Variants in HTRA1 observed in about 807,000 individuals in gnomAD.
HTRA1 encodes serine protease HTRA1.
HTRA1 carries 26 observed loss-of-function variants against 49.7 expected under a neutral mutation model. The observed-to-expected ratio is 0.52, with a 90% confidence interval of 0.38 to 0.73. HTRA1 has a LOEUF of 0.73. HTRA1 is among the 30% of genes least tolerant of loss of function. The pLI, the probability that HTRA1 is intolerant of heterozygous loss-of-function variation, is 0.00. For missense variants in HTRA1, 561 were observed against 667.2 expected (o/e 0.84, Z 1.75); for synonymous variants, 291 against 286.9 (o/e 1.01, Z -0.14).
At chr10:122,476,134 C>T (rs983459443) in intron 1 of HTRA1, among the ~76,000 whole-genome samples, 4 of 152,198 alleles carry the variant, frequency 2.6e-5, no homozygotes, top group African/African-American at 9.7e-5. Flanking sequence ...TGATTTCTCT[C>T]CTGACCCTCA....
At position 122,510,110 on chromosome 10, in the gene HTRA1, A is replaced by G; in HGVS notation, c.1135A>G (p.Lys379Glu). 1 of 1,614,048 alleles carries G rather than the reference A, an allele frequency of 6.2e-7. No individual in the cohort carries two copies. The change falls in exon 7 of 9, where the codon AAG becomes GAG. Residue 379 changes from lysine (K) to glutamate (E), a missense_variant. Physicochemically the swap from Lys to Glu is moderately conservative, Grantham distance 56. Coordinates refer to ENST00000368984, the MANE Select transcript of HTRA1 (RefSeq NM_002775.5). ...TGTCTCACCAGGAAAAGCCATCACC[A>G]AGAAGAAGTATATTGGTATCCGAAT... ...DRQAKGKAIT[K>E]KKYIGIRMMS...
chr10:122,471,999 A>G (rs2097486317), intron 1 of HTRA1, among the ~76,000 whole-genome samples: 1 of 152,222 alleles, frequency 6.6e-6, no homozygotes, highest in African/African-American at 2.4e-5. Flanking sequence ...TCTCCCTTCA[A>G]GAGTTATAAG....
At chr10:122,468,632 A>G (rs2097484823) in intron 1 of HTRA1, among the ~76,000 whole-genome samples, 2 of 152,220 alleles carry the variant, frequency 1.3e-5, no homozygotes, top group Admixed American at 6.5e-5. Context: ...GGGCAGAGGT[A>G]TCCAAAGTCA....
intron 7 of HTRA1, among the ~76,000 whole-genome samples, chr10:122,510,894 T>C (rs1301324223): frequency 1.3e-5 from 2 of 152,216 alleles, no homozygotes; most frequent in African/African-American, 4.8e-5. Flanking sequence ...TTATGAATGG[T>C]GGTCCCTTTC....
At position 122,461,870 on chromosome 10, in the gene HTRA1, G is replaced by A. The variant is rs886138246; in HGVS notation, c.218G>A (p.Gly73Asp). 1.1e-5 allele frequency: 13 copies of A among 1,221,246 alleles called. No individual in the cohort carries two copies. Among genetic ancestry groups the A allele is most frequent in the Non-Finnish European group, 1.3e-5 (13 of 984,418 alleles). The allele number at this position is 1,221,246 out of a possible 1,614,324, so 75.7% of individuals were successfully genotyped here. The change falls in exon 1 of 9, where the codon GGC (glycine) becomes GAC (aspartate). Residue 73 changes from glycine to aspartate, a missense_variant. Physicochemically the swap from Gly to Asp is moderately conservative, Grantham distance 94. Transcript: ENST00000368984. ...TGCGAGGTGTGCGGCGCGCCCGAGG[G>A]CGCCGCGTGCGGCCTGCAGGAGGGC... ...GCCEVCGAPE[G>D]AACGLQEGPC... is the part of the protein sequence containing the mutation.
chr10:122,488,958 GAGA>G lies in HTRA1; in HGVS notation c.533_535del (p.Lys178del), dbSNP rs2133438358. ...ATATAACTTTATCGCGGACGTGGTGGAGAAGATCGCCCCTGCCGTGGTTCATAT... is the reference window on the plus strand; with the variant it reads ...ATATAACTTTATCGCGGACGTGGTGGAGATCGCCCCTGCCGTGGTTCATAT... On this transcript the variant is annotated inframe_deletion, in exon 2 of 9. Coordinates refer to ENST00000368984, the MANE Select transcript of HTRA1 (RefSeq NM_002775.5). 6.2e-7 allele frequency: 1 copy of G among 1,614,182 alleles called. No homozygotes were observed. The highest frequency in any genetic ancestry group is 8.5e-7 in the Non-Finnish European group (1 of 1,180,030).
intron 7 of HTRA1, among the ~76,000 whole-genome samples, chr10:122,511,517 G>A (rs1045321779): frequency 1.3e-5 from 2 of 152,128 alleles, no homozygotes; most frequent in Non-Finnish European, 2.9e-5. Flanking sequence ...CAGATCACTT[G>A]AGGCCAGGAG....
chr10:122,500,552 G>T (rs541838606), intron 3 of HTRA1, among the ~76,000 whole-genome samples: 1 of 152,328 alleles, frequency 6.6e-6, no homozygotes, highest in African/African-American at 2.4e-5. Context: ...ACCCAGCCCA[G>T]ATGTCCTACT....
At chr10:122,470,958 A>G (rs1472164189) in intron 1 of HTRA1, among the ~76,000 whole-genome samples, 1 of 152,136 alleles carries the variant, frequency 6.6e-6, no homozygotes, top group Non-Finnish European at 1.5e-5. Context: ...AGGAAGGCCA[A>G]ATGCAGGGTT....
chr10:122,468,399 ATTG>A (rs1167055150), intron 1 of HTRA1, among the ~76,000 whole-genome samples: 1 of 123,364 alleles, frequency 8.1e-6, no homozygotes, highest in African/African-American at 3.1e-5. Flanking sequence ...GCGTGTTGTC[ATTG>A]TCATCATCAT....
chr10:122,492,395 G>A (rs879770979), intron 3 of HTRA1, among the ~76,000 whole-genome samples: 7 of 152,114 alleles, frequency 4.6e-5, no homozygotes, highest in Non-Finnish European at 8.8e-5. Flanking sequence ...GTGCAGTGGC[G>A]CCATCTCCGC....
At chr10:122,482,495 T>C (rs1016158928) in intron 1 of HTRA1, among the ~76,000 whole-genome samples, 3 of 152,132 alleles carry the variant, frequency 2.0e-5, no homozygotes, top group Admixed American at 2.0e-4. Flanking sequence ...TGGGGTCCCT[T>C]GGGGCACACT....
intron 1 of HTRA1, among the ~76,000 whole-genome samples, chr10:122,475,437 C>T (rs886913770): frequency 2.6e-5 from 4 of 152,238 alleles, no homozygotes; most frequent in Non-Finnish European, 4.4e-5. Context: ...AGAGGCCACA[C>T]GAAACTCTCC....
In HTRA1 at chr10:122,514,248, C is replaced by T. The variant is rs139917912; in HGVS notation, c.1332C>T (p.Ser444=). 93 of 1,613,926 alleles carry T rather than the reference C, an allele frequency of 5.8e-5. No individual in the cohort carries two copies. Among genetic ancestry groups the T allele is most frequent in the South Asian group, 4.9e-4 (45 of 91,074 alleles). ...IISINGQSVV[S]ANDVSDVIKR... Reference sequence around the variant, plus strand: ...GCATCAATGGACAGTCCGTGGTCTCCGCCAATGATGTCAGCGACGTCATTA... The same window carrying T: ...GCATCAATGGACAGTCCGTGGTCTCTGCCAATGATGTCAGCGACGTCATTA... The change falls in exon 9 of 9, where the codon TCC becomes TCT. Residue 444 remains serine (S), a synonymous_variant. Coordinates refer to ENST00000368984, the MANE Select transcript of HTRA1 (RefSeq NM_002775.5).
rs570155009 is a variant in HTRA1 at position 122,476,833 on chromosome 10, G to A, written c.473-12069G>A. Among the ~76,000 whole-genome samples, 18 of 152,246 alleles carry A rather than the reference G, an allele frequency of 1.2e-4. No homozygotes were observed. The South Asian group carries it at 3.7e-3, about 32-fold the overall frequency. ...TCTCTGTGAAGGTGCTGAGCTGTGA[G>A]TGGAACCAAGTGGATGAGAGTGGCC... is the stretch of plus-strand genomic sequence containing the variant. On this transcript the variant is annotated intron_variant, in intron 1 of 8. Coordinates refer to ENST00000368984, the MANE Select transcript of HTRA1 (RefSeq NM_002775.5).
At chr10:122,501,959 GAGTTTTTTTTTTT>G in intron 3 of HTRA1, among the ~76,000 whole-genome samples, 1 of 109,328 alleles carries the variant, frequency 9.1e-6, no homozygotes, top group African/African-American at 3.6e-5. Flanking sequence ...ACTCCATTTG[GAGTTTTTTTTTTT>G]TTTTTTTTTT....
At chr10:122,508,479 G>A (rs565175288) in intron 5 of HTRA1, among the ~76,000 whole-genome samples, 177 bp from the exon 6 acceptor site, 118 of 152,350 alleles carry the variant, frequency 7.7e-4, no homozygotes, top group African/African-American at 2.3e-3. Flanking sequence ...CGCGTGGCTC[G>A]CGCTGCCTGG....
In HTRA1 at chr10:122,512,994, A is replaced by C. The variant is rs367931319; in HGVS notation, c.1274+929A>C. On this transcript the variant is annotated intron_variant, in intron 8 of 8. Transcript: ENST00000368984. ...AAGAATAGTATTTTGTGACATGTTAAATTTGTATGAAATTCAAATTTCAGT... is the reference window on the plus strand; with the variant it reads ...AAGAATAGTATTTTGTGACATGTTACATTTGTATGAAATTCAAATTTCAGT... Among the ~76,000 whole-genome samples the C allele has an allele frequency of 2.9e-3, 436 of 152,246 alleles. 19 individuals carry two copies. In the South Asian group the frequency reaches 0.084, roughly 29 times the overall value.
intron 2 of HTRA1, 39 bp from the exon 3 acceptor site, chr10:122,489,383 G>T (rs2133438638): frequency 6.4e-7 from 1 of 1,573,560 alleles, no homozygotes; most frequent in East Asian, 2.2e-5. Context: ...TTCATTTTAA[G>T]GTGCTACAGG....
Sources: gnomAD v4.1 joint callset for allele counts (sites outside exome capture counted in the v4.1 genomes callset) on GRCh38, gnomAD v4.1.1 for gene constraint, MANE v1.5 for transcripts, NCBI Gene and HGNC (gene_info 2026-07-23, HGNC 2026-07-21) for gene names.